The following SEMA6A variants were observed in gnomAD, a reference collection of about 807,000 sequenced individuals.
SEMA6A encodes the protein semaphorin 6A.
Under a neutral mutation model 96.8 loss-of-function variants are expected in SEMA6A, and 25 were observed. The observed-to-expected ratio is 0.26, with a 90% CI of 0.19 to 0.36. The LOEUF (loss-of-function observed/expected upper bound fraction) is 0.36. Among genes scored for constraint, SEMA6A ranks in the 10% least tolerant of loss-of-function variants. The pLI, the probability that SEMA6A is intolerant of heterozygous loss-of-function variation, is 1.00. For synonymous variants in SEMA6A, 612 were observed against 518.0 expected, an observed-to-expected ratio of 1.18 and a Z score of -2.46; for missense variants, 1,363 against 1,323.1, an observed-to-expected ratio of 1.03 and a Z score of -0.47.
In SEMA6A at chr5:116,554,544, A is replaced by G. The variant is rs141015907; in HGVS notation, c.-39+19641T>C. Among the ~76,000 whole-genome samples the G allele has an allele frequency of 3.0e-3, 457 of 152,360 alleles. 1 individual carries two copies. Among genetic ancestry groups the G allele is most frequent in the African/African-American group, 0.011 (438 of 41,588 alleles). On this transcript the variant is annotated intron_variant, in intron 1 of 18. Coordinates refer to ENST00000343348, the MANE Select transcript of SEMA6A (RefSeq NM_020796.5). ...GTTCATATTAAGATAATACGTAACA[A>G]TTTGTATAAAGTATTTGTTCAAAAA...
At chr5:116,524,466 C>G (rs952415686) in intron 1 of SEMA6A, among the ~76,000 whole-genome samples, 1 of 152,138 alleles carries the variant, frequency 6.6e-6, no homozygotes, top group Non-Finnish European at 1.5e-5. Flanking sequence ...TGTGATTTGT[C>G]TCTCTGACCA....
chr5:116,455,405 G>A (rs904634713), intron 18 of SEMA6A, among the ~76,000 whole-genome samples: 1 of 152,192 alleles, frequency 6.6e-6, no homozygotes, highest in Non-Finnish European at 1.5e-5. Flanking sequence ...GAGTCTGCAA[G>A]GCGTATTTTC....
intron 1 of SEMA6A, among the ~76,000 whole-genome samples, chr5:116,563,292 T>C (rs973658991): frequency 2.0e-5 from 3 of 152,184 alleles, no homozygotes; most frequent in African/African-American, 7.2e-5. Flanking sequence ...GATAGGTAAA[T>C]TCCTTTAAAA....
intron 1 of SEMA6A, among the ~76,000 whole-genome samples, 192 bp downstream of exon 1, chr5:116,573,993 C>T (rs981562464): frequency 2.0e-5 from 3 of 151,760 alleles, no homozygotes; most frequent in African/African-American, 7.3e-5. Context: ...GGGCGCAGGG[C>T]AGAGAGGAAA....
intron 4 of SEMA6A, 145 bp downstream of exon 4, chr5:116,497,182 T>C (rs1757644295): frequency 1.8e-6 from 1 of 566,584 alleles, no homozygotes. Flanking sequence ...CCTAACCTAT[T>C]CCCTAATTAG....
intron 9 of SEMA6A, chr5:116,487,167 G>C (rs142388857): frequency 5.5e-6 from 3 of 544,284 alleles, no homozygotes; most frequent in Non-Finnish European, 6.5e-6. Context: ...AAAAGATAAG[G>C]CTGTGGCATT....
chr5:116,544,900 G>C (rs546338495), intron 1 of SEMA6A, among the ~76,000 whole-genome samples: 77 of 152,274 alleles, frequency 5.1e-4, no homozygotes, highest in African/African-American at 1.8e-3. Context: ...TCCATTTAAA[G>C]TTTAACTTCC....
Position 116,525,172 on chromosome 5 carries a change from C to T in SEMA6A, c.-38-20190G>A, listed in dbSNP as rs191232607. On this transcript the variant is annotated intron_variant, in intron 1 of 18. Coordinates refer to ENST00000343348, the MANE Select transcript of SEMA6A (RefSeq NM_020796.5). ...ACCTACTGTGTGCCAGGCATGTTCC[C>T]GACACTGAGTATTCCCCATGAACAG... Among the ~76,000 whole-genome samples the T allele has an allele frequency of 1.6e-4, 25 of 152,252 alleles. 1 individual carries two copies. Among genetic ancestry groups the T allele is most frequent in the African/African-American group, 6.0e-4 (25 of 41,556 alleles).
chr5:116,480,400 G>A, intron 11 of SEMA6A, 123 bp from the exon 12 acceptor site: 1 of 1,186,976 alleles, frequency 8.4e-7, no homozygotes, highest in Non-Finnish European at 1.2e-6. Flanking sequence ...CTGAGAGGAG[G>A]AAGTTGAACA....
chr5:116,510,200 T>A (rs1758342971), intron 1 of SEMA6A, among the ~76,000 whole-genome samples: 1 of 152,208 alleles, frequency 6.6e-6, no homozygotes, highest in Non-Finnish European at 1.5e-5. Flanking sequence ...GCAGTTCTAA[T>A]CTGACCACAG....
intron 1 of SEMA6A, among the ~76,000 whole-genome samples, chr5:116,505,978 ATTTCT>A (rs1398746617): frequency 2.0e-5 from 3 of 152,144 alleles, no homozygotes; most frequent in Non-Finnish European, 2.9e-5. Flanking sequence ...TAAAATGAGG[ATTTCT>A]TTTCATCTTT....
chr5:116,517,026 A>C (rs1758699032), intron 1 of SEMA6A, among the ~76,000 whole-genome samples: 1 of 152,208 alleles, frequency 6.6e-6, no homozygotes, highest in Admixed American at 6.5e-5. Context: ...GATGAGGCCA[A>C]GTTCATTTCA....
intron 1 of SEMA6A, among the ~76,000 whole-genome samples, chr5:116,516,046 A>G (rs992511049): frequency 1.3e-5 from 2 of 152,218 alleles, no homozygotes; most frequent in African/African-American, 4.8e-5. Flanking sequence ...AAATGTTGGC[A>G]TCAGGTCCTT....
At chr5:116,462,808 T>A (rs570689665) in intron 18 of SEMA6A, among the ~76,000 whole-genome samples, 1 of 152,194 alleles carries the variant, frequency 6.6e-6, no homozygotes, top group Non-Finnish European at 1.5e-5. Flanking sequence ...CAGTACACAG[T>A]CACCTAAACT....
At chr5:116,451,109 A>G (rs1754604524) in intron 18 of SEMA6A, among the ~76,000 whole-genome samples, 1 of 152,290 alleles carries the variant, frequency 6.6e-6, no homozygotes, top group African/African-American at 2.4e-5. Context: ...CAAGTGACTT[A>G]ACATCTCTGG....
intron 1 of SEMA6A, chr5:116,562,604 A>G (rs963878821): frequency 2.2e-5 from 15 of 684,394 alleles, no homozygotes; most frequent in Non-Finnish European, 3.3e-5. Flanking sequence ...ACAGGTCATC[A>G]GCCTCTGACC....
chr5:116,514,166 G>T (rs540017988), intron 1 of SEMA6A, among the ~76,000 whole-genome samples: 1 of 152,164 alleles, frequency 6.6e-6, no homozygotes, highest in South Asian at 2.1e-4. Context: ...GAGATTGCTG[G>T]GTCGAATGGT....
intron 1 of SEMA6A, among the ~76,000 whole-genome samples, chr5:116,542,034 T>C (rs1346255084): frequency 1.3e-5 from 2 of 152,234 alleles, no homozygotes; most frequent in Non-Finnish European, 2.9e-5. Flanking sequence ...CTCCATGTTA[T>C]CTAAGGACTC....
chr5:116,467,588 T>C lies in SEMA6A; in HGVS notation c.1889A>G (p.Lys630Arg). ...GAVSSHNHQD[K>R]KGVIRESYLK... Reference sequence around the variant, plus strand: ...AGGCATTTCCAAGGCCTTACCCTTCTTGTCTTGGTGATTATGGGAAGACAC... The same window carrying C: ...AGGCATTTCCAAGGCCTTACCCTTCCTGTCTTGGTGATTATGGGAAGACAC... Residue 630 changes from lysine (K) to arginine (R), a missense_variant, in exon 18 of 19, where the codon AAG becomes AGG. Lys to Arg is a conservative substitution (Grantham distance 26). This residue lies in a region of SEMA6A where 883 missense variants were observed against 763.6 expected (regional missense o/e 1.16). Transcript: ENST00000343348. The C allele has an allele frequency of 1.9e-6, 3 of 1,612,606 alleles. No individual in the cohort carries two copies. Among genetic ancestry groups the C allele is most frequent in the Non-Finnish European group, 2.5e-6 (3 of 1,179,354 alleles).
Sources: allele counts gnomAD v4.1 joint callset (sites outside exome capture counted in the v4.1 genomes callset), GRCh38; gene constraint gnomAD v4.1.1; regional missense constraint gnomAD v4.1.1; transcripts MANE v1.5; gene names NCBI Gene and HGNC (gene_info 2026-07-23, HGNC 2026-07-21).